The following DIABLO variants were observed in gnomAD, a reference collection of about 807,000 sequenced individuals.
DIABLO encodes diablo homolog, mitochondrial.
Under a neutral mutation model 31.7 loss-of-function variants are expected in DIABLO, and 32 were observed. The ratio of observed to expected loss-of-function variants is 1.01; its 90% CI spans 0.76 to 1.35. DIABLO has a LOEUF of 1.35. DIABLO is among the 40% of genes most tolerant of loss of function. The probability of loss-of-function intolerance (pLI) is 0.00; values close to 1 mark genes in which losing one functional copy is unlikely to be tolerated. For synonymous variants in DIABLO, 132 were observed against 103.2 expected (o/e 1.28, Z -1.69); for missense variants, 316 against 286.4 (o/e 1.10, Z -0.75).
In DIABLO at chr12:122,219,723, C is replaced by T. The variant is rs537523764; in HGVS notation, c.184-1326G>A. Among the ~76,000 whole-genome samples, 66 of 151,454 alleles carry T rather than the reference C, an allele frequency of 4.4e-4. 1 individual carries two copies. In the South Asian group the frequency reaches 0.013, roughly 30 times the overall value. On this transcript the variant is annotated intron_variant, in intron 2 of 5. Coordinates refer to ENST00000464942, the MANE Select transcript of DIABLO (RefSeq NM_001371333.1). Reference sequence around the variant, plus strand: ...TACAAAAAAAAAAAAATTAGCTGGGCATGGTGGTGGGCACCTGTAGTCCCA... The same window carrying T: ...TACAAAAAAAAAAAAATTAGCTGGGTATGGTGGTGGGCACCTGTAGTCCCA...
In DIABLO at chr12:122,208,014, CG is replaced by C. The variant is rs1385972804; in HGVS notation, c.*366del. 2 of 493,276 alleles carry C rather than the reference CG, an allele frequency of 4.1e-6. No individual in the cohort carries two copies. The highest frequency in any genetic ancestry group is 1.9e-5 in the African/African-American group (1 of 51,518). 30.6% of individuals were successfully genotyped at this position (493,276 alleles called of 1,614,324 possible). On this transcript the variant is annotated 3_prime_UTR_variant, in exon 6 of 6. Coordinates refer to ENST00000464942, the MANE Select transcript of DIABLO (RefSeq NM_001371333.1). The stretch of plus-strand genomic sequence containing the variant: ...ACAAGTACTAAATCATTTTTGACGA[CG>C]TAAATAAGACTGAAAACAGGTTAAA...
At chr12:122,208,789 C>T (rs926125049) in intron 5 of DIABLO, 2 of 666,332 alleles carry the variant, frequency 3.0e-6, no homozygotes, top group Non-Finnish European at 5.5e-6. Context: ...CATTTTTCTT[C>T]AGCTGTCAGC....
At chr12:122,215,694 G>A (rs1366526383) in intron 5 of DIABLO, among the ~76,000 whole-genome samples, 3 of 151,982 alleles carry the variant, frequency 2.0e-5, no homozygotes, top group South Asian at 2.1e-4. Context: ...GCACCACGGT[G>A]CAAAGGACAA....
At chr12:122,224,384 C>G (rs1340530871) in intron 2 of DIABLO, 128 bp downstream of exon 2, 1 of 1,376,868 alleles carries the variant, frequency 7.3e-7, no homozygotes, top group African/African-American at 1.4e-5. Flanking sequence ...TGAAAAGATG[C>G]CGGTACTGTG....
intron 2 of DIABLO, among the ~76,000 whole-genome samples, chr12:122,219,467 G>C (rs1254632301): frequency 6.6e-6 from 1 of 152,086 alleles, no homozygotes; most frequent in African/African-American, 2.4e-5. Flanking sequence ...GTATGTATGA[G>C]CTACACTGGG....
At chr12:122,216,389 A>T in intron 5 of DIABLO, 99 bp downstream of exon 5, 1 of 1,011,854 alleles carries the variant, frequency 9.9e-7, no homozygotes, top group Non-Finnish European at 1.5e-6. Context: ...TAGACCATTT[A>T]CTATAAAGCC....
chr12:122,215,517 T>C (rs1954188838), intron 5 of DIABLO, among the ~76,000 whole-genome samples: 1 of 152,066 alleles, frequency 6.6e-6, no homozygotes, highest in South Asian at 2.1e-4. Context: ...GGCAGGAGAA[T>C]CACTTGAACC....
At chr12:122,225,093 A>C in intron 1 of DIABLO, 3 of 338,226 alleles carry the variant, frequency 8.9e-6, no homozygotes, top group Non-Finnish European at 1.7e-5. Context: ...CGCTCCTGTA[A>C]TCCCAGCTAC....
chr12:122,218,868 A>G (rs1954273711), intron 2 of DIABLO: 2 of 190,598 alleles, frequency 1.0e-5, no homozygotes, highest in Admixed American at 5.5e-5. Flanking sequence ...GACTGAACCC[A>G]GGAGGCAGAG....
chr12:122,224,460 G>A, intron 2 of DIABLO, 52 bp downstream of exon 2: 3 of 1,613,200 alleles, frequency 1.9e-6, no homozygotes, highest in East Asian at 4.5e-5. Context: ...GCCCACTTGA[G>A]ACTTCAAGAG....
chr12:122,209,758 A>G (rs4372486), intron 5 of DIABLO: 2 of 703,176 alleles, frequency 2.8e-6, no homozygotes, highest in African/African-American at 1.7e-5. Flanking sequence ...CGTCTGTAGA[A>G]CATTTTGATC....
At chr12:122,226,195 G>C, upstream of DIABLO, 2 of 975,698 alleles carry the variant, frequency 2.0e-6, no homozygotes, top group Non-Finnish European at 3.1e-6. Context: ...GGCTGTAACG[G>C]CCGCGCAAGG....
In DIABLO at chr12:122,208,083, C is replaced by T; in HGVS notation, c.*298G>A. 1 of 613,286 alleles carries T rather than the reference C, an allele frequency of 1.6e-6. No homozygotes were observed. Among genetic ancestry groups the T allele is most frequent in the Non-Finnish European group, 3.0e-6 (1 of 329,676 alleles). The allele number at this position is 613,286 out of a possible 1,614,324, so 38.0% of individuals were successfully genotyped here. ...GGCATGACAAAAAGGACTCCTCTCTCTGACCCAGGTAGGCAAAATGCTTTG... is the reference window on the plus strand; with the variant it reads ...GGCATGACAAAAAGGACTCCTCTCTTTGACCCAGGTAGGCAAAATGCTTTG... On this transcript the variant is annotated 3_prime_UTR_variant, in exon 6 of 6. Coordinates refer to ENST00000464942, the MANE Select transcript of DIABLO (RefSeq NM_001371333.1).
chr12:122,210,019 C>A (rs1421292007), intron 5 of DIABLO, among the ~76,000 whole-genome samples: 2 of 152,170 alleles, frequency 1.3e-5, no homozygotes, highest in Non-Finnish European at 2.9e-5. Flanking sequence ...ATGGATATAT[C>A]ATCTCAAACA....
At chr12:122,224,762 C>A in intron 1 of DIABLO, 118 bp from the exon 2 acceptor site, 2 of 1,601,526 alleles carry the variant, frequency 1.2e-6, no homozygotes, top group Non-Finnish European at 1.7e-6. Flanking sequence ...AATGAGGATG[C>A]AGGACAGCTG....
chr12:122,216,325 A>G (rs2136095237), intron 5 of DIABLO, among the ~76,000 whole-genome samples, 163 bp downstream of exon 5: 2 of 152,348 alleles, frequency 1.3e-5, no homozygotes, highest in South Asian at 4.1e-4. Flanking sequence ...TGTGCAAATA[A>G]AATGTAGGTT....
In DIABLO at chr12:122,207,680, G is replaced by A. The variant is rs771712923; in HGVS notation, c.*701C>T. On this transcript the variant is annotated 3_prime_UTR_variant, in exon 6 of 6. Transcript: ENST00000464942. ...GGCTGCATAGGACCCCAGGAGAGACGCATTTTCTCTTTCAGATGCAAACAA... is the reference window on the plus strand; with the variant it reads ...GGCTGCATAGGACCCCAGGAGAGACACATTTTCTCTTTCAGATGCAAACAA... 12 of 615,088 alleles carry A rather than the reference G, an allele frequency of 2.0e-5. No individual in the cohort carries two copies. The highest frequency in any genetic ancestry group is 1.6e-4 in the African/African-American group (9 of 55,386). 38.1% of individuals were successfully genotyped at this position (615,088 alleles called of 1,614,324 possible).
intron 2 of DIABLO, among the ~76,000 whole-genome samples, chr12:122,222,792 C>T (rs1012045723): frequency 6.6e-6 from 1 of 152,074 alleles, no homozygotes; most frequent in Non-Finnish European, 1.5e-5. Context: ...AGGTTTCGTG[C>T]TCCTATGAGA....
chr12:122,218,467 C>T lies in DIABLO; in HGVS notation c.184-70G>A, dbSNP rs7963565. The stretch of plus-strand genomic sequence containing the variant: ...GAGAACTTTTTCACCAATAGGCAAG[C>T]AAAAAACGTAATTGTCATGCTGCTT... On this transcript the variant is annotated intron_variant, in intron 2 of 5. Transcript: ENST00000464942. The T allele has an allele frequency of 0.37, 595,286 of 1,597,634 alleles. 118,518 individuals are homozygous for T. The highest frequency in any genetic ancestry group is 0.7 in the African/African-American group (52,207 of 74,632).
Sources: gnomAD v4.1 joint callset for allele counts (sites outside exome capture counted in the v4.1 genomes callset) on GRCh38, gnomAD v4.1.1 for gene constraint, MANE v1.5 for transcripts, NCBI Gene and HGNC (gene_info 2026-07-23, HGNC 2026-07-21) for gene names.